Variants in FHOD3 observed in about 807,000 individuals in gnomAD.
FHOD3 encodes FH1/FH2 domain-containing protein 3.
Under a neutral mutation model 173.0 loss-of-function variants are expected in FHOD3, and 90 were observed. The ratio of observed to expected loss-of-function variants is 0.52; its 90% CI spans 0.44 to 0.62. The LOEUF (loss-of-function observed/expected upper bound fraction) is 0.62. Ranked by LOEUF, FHOD3 falls within the 20% of genes least tolerant of loss-of-function variation. FHOD3 has a pLI of 0.00. For missense variants in FHOD3, 1,945 were observed against 2,034.7 expected (o/e 0.96, Z 0.85); for synonymous variants, 828 against 823.0 (o/e 1.01, Z -0.10).
intron 1 of FHOD3, among the ~76,000 whole-genome samples, chr18:36,339,301 G>A (rs2045489692): frequency 6.6e-6 from 1 of 152,130 alleles, no homozygotes; most frequent in Non-Finnish European, 1.5e-5. Flanking sequence ...GCAAGCAGAT[G>A]AGGGCAGGCA....
chr18:36,709,341 C>A lies in FHOD3; in HGVS notation c.2483C>A (p.Thr828Lys), dbSNP rs186506465. 1.9e-6 allele frequency: 3 copies of A among 1,614,100 alleles called. No individual in the cohort carries two copies. The highest frequency in any genetic ancestry group is 3.3e-5 in the Admixed American group (2 of 60,014). The change falls in exon 18 of 29, where the codon ACG becomes AAG. Residue 828 changes from threonine (T) to lysine (K), a missense_variant. Transcript: ENST00000590592. ...TCCAGCGTCTCGTCCTCCAGCAGCA[C>A]GTTGGAGAGGGAGGAGAAGGAGGAC... ...SASSVSSSSS[T>K]LEREEKEDKL...
intron 17 of FHOD3, among the ~76,000 whole-genome samples, chr18:36,695,509 T>C (rs934265841): frequency 6.6e-6 from 1 of 152,202 alleles, no homozygotes; most frequent in Non-Finnish European, 1.5e-5. Flanking sequence ...CCAAGAATTC[T>C]AGCATCATTT....
chr18:36,502,079 G>T (rs1053908357), intron 4 of FHOD3, 80 bp downstream of exon 4: 15 of 852,788 alleles, frequency 1.8e-5, no homozygotes, highest in Admixed American at 2.9e-5. Context: ...ACCTGTACTT[G>T]TTATGAAAAG....
chr18:36,737,400 T>G (rs1435587499), intron 20 of FHOD3, among the ~76,000 whole-genome samples: 2 of 152,232 alleles, frequency 1.3e-5, no homozygotes, highest in African/African-American at 4.8e-5. Flanking sequence ...TAATTGAGTT[T>G]AAATCATGCA....
intron 16 of FHOD3, among the ~76,000 whole-genome samples, chr18:36,692,756 T>A (rs1025333750): frequency 6.6e-6 from 1 of 152,202 alleles, no homozygotes; most frequent in East Asian, 1.9e-4. Context: ...AGGCAGGCCT[T>A]CATCCAAGCA....
chr18:36,372,051 C>T (rs965806499), intron 2 of FHOD3, among the ~76,000 whole-genome samples: 2 of 152,102 alleles, frequency 1.3e-5, no homozygotes, highest in African/African-American at 2.4e-5. Flanking sequence ...GGGAGTGGAA[C>T]CTGGGGAGGT....
At chr18:36,755,757 A>T (rs924805286) in intron 25 of FHOD3, among the ~76,000 whole-genome samples, 55 of 152,312 alleles carry the variant, frequency 3.6e-4, no homozygotes, top group African/African-American at 1.3e-3. Context: ...CAATCAGTTG[A>T]CACATGGACC....
rs773427530 is a variant in FHOD3 at position 36,718,560 on chromosome 18, T to C, written c.3262T>C (p.Leu1088=). The part of the protein sequence containing the change: ...TFTKKKKTIR[L]FWNEVRPFDW... Reference sequence around the variant, plus strand: ...CACTAAGAAAAAGAAGACCATCCGTTTGTTCTGGAATGAAGTTCGGCCTTT... The same window carrying C: ...CACTAAGAAAAAGAAGACCATCCGTCTGTTCTGGAATGAAGTTCGGCCTTT... The change falls in exon 19 of 29, where the codon TTG becomes CTG. Residue 1088 remains leucine (L), a synonymous_variant. Coordinates refer to ENST00000590592, the MANE Select transcript of FHOD3 (RefSeq NM_001281740.3). 3 of 1,614,128 alleles carry C rather than the reference T, an allele frequency of 1.9e-6. No homozygotes were observed. In the South Asian group the frequency reaches 3.3e-5, roughly 18 times the overall value.
At chr18:36,445,926 G>A (rs931743201) in intron 3 of FHOD3, among the ~76,000 whole-genome samples, 4 of 152,154 alleles carry the variant, frequency 2.6e-5, no homozygotes, top group Non-Finnish European at 4.4e-5. Context: ...TAAATTCATT[G>A]AGAAACCTTG....
chr18:36,591,751 C>G (rs1255876109), intron 6 of FHOD3, among the ~76,000 whole-genome samples: 1 of 5,740 alleles, frequency 1.7e-4, no homozygotes, highest in Non-Finnish European at 4.8e-4. Flanking sequence ...GACACTATCT[C>G]TACAAAAAAA....
At chr18:36,324,498 C>G (rs1232224182) in intron 1 of FHOD3, among the ~76,000 whole-genome samples, 4 of 152,026 alleles carry the variant, frequency 2.6e-5, no homozygotes, top group East Asian at 1.9e-4. Flanking sequence ...TGTAAATATT[C>G]AATAAAGGAC....
intron 3 of FHOD3, among the ~76,000 whole-genome samples, chr18:36,376,585 C>T (rs1419636114): frequency 1.3e-5 from 2 of 152,130 alleles, no homozygotes; most frequent in Non-Finnish European, 2.9e-5. Context: ...GTCAAGGGGG[C>T]TGAAGCAACT....
At chr18:36,480,682 G>A (rs773960566) in intron 3 of FHOD3, among the ~76,000 whole-genome samples, 2 of 152,188 alleles carry the variant, frequency 1.3e-5, no homozygotes, top group African/African-American at 2.4e-5. Context: ...AAAACTAATT[G>A]TAGCAGGTAA....
At chr18:36,327,933 T>C (rs1259796380) in intron 1 of FHOD3, among the ~76,000 whole-genome samples, 1 of 152,182 alleles carries the variant, frequency 6.6e-6, no homozygotes, top group African/African-American at 2.4e-5. Flanking sequence ...ATTTATAGAA[T>C]TAGGCTATGG....
chr18:36,327,085 T>A lies in FHOD3; in HGVS notation c.166-28454T>A, dbSNP rs182408250. On this transcript the variant is annotated intron_variant, in intron 1 of 28. Transcript: ENST00000590592. ...ATGAGGTTTCTTTGAATTGGGAGAT[T>A]TTCCTGCTAATTTAGGAAGCAGCTG... 4.6e-5 allele frequency among the ~76,000 whole-genome samples: 7 copies of A among 152,344 alleles called. No homozygotes were observed. The East Asian group carries it at 1.3e-3, about 29-fold the overall frequency.
At chr18:36,435,854 A>G (rs930979305) in intron 3 of FHOD3, among the ~76,000 whole-genome samples, 1 of 152,226 alleles carries the variant, frequency 6.6e-6, no homozygotes, top group African/African-American at 2.4e-5. Flanking sequence ...GAAGAATTAC[A>G]TTTTCAACAA....
intron 1 of FHOD3, among the ~76,000 whole-genome samples, chr18:36,310,678 A>T (rs1203431631): frequency 7.0e-6 from 1 of 143,660 alleles, no homozygotes; most frequent in African/African-American, 2.7e-5. Flanking sequence ...CAGGAGTGAG[A>T]CTCCATCTCA....
intron 10 of FHOD3, among the ~76,000 whole-genome samples, chr18:36,640,094 T>C (rs2035198390): frequency 6.6e-6 from 1 of 152,248 alleles, no homozygotes; most frequent in African/African-American, 2.4e-5. Flanking sequence ...ATTAAGGTAC[T>C]AGCCCATAGT....
chr18:36,500,069 A>C (rs1316566078), intron 3 of FHOD3, among the ~76,000 whole-genome samples: 1 of 152,210 alleles, frequency 6.6e-6, no homozygotes, highest in Non-Finnish European at 1.5e-5. Context: ...AGAAAACCAC[A>C]GTGTCTGTAA....
Sources: gnomAD v4.1 joint callset for allele counts (sites outside exome capture counted in the v4.1 genomes callset) on GRCh38, gnomAD v4.1.1 for gene constraint, MANE v1.5 for transcripts, NCBI Gene and HGNC (gene_info 2026-07-23, HGNC 2026-07-21) for gene names.